Variants in MYO16 observed in about 807,000 individuals in gnomAD.
MYO16 encodes myosin XVI.
In MYO16, 94 loss-of-function variants were observed where a neutral mutation model predicts 205.3. The ratio of observed to expected loss-of-function variants is 0.46; its 90% CI spans 0.39 to 0.54. The LOEUF is 0.54. MYO16 is among the 20% of genes least tolerant of loss of function. The pLI, the probability that MYO16 is intolerant of heterozygous loss-of-function variation, is 0.00. For missense variants in MYO16, 2,315 were observed against 2,387.5 expected (o/e 0.97, Z 0.63); for synonymous variants, 988 against 954.0 (o/e 1.04, Z -0.66).
At position 109,140,763 on chromosome 13, in the gene MYO16, C is replaced by T; in HGVS notation, c.4551C>T (p.Phe1517=). ...LLPHRPPLLV[F]PPTPVTCSPA... ...CGCACCGGCCGCCCCTGCTGGTGTT[C>T]CCCCCGACCCCCGTCACCTGCTCCC... The change falls in exon 32 of 35, where the codon TTC becomes TTT. Residue 1517 remains phenylalanine, a synonymous_variant. Transcript: ENST00000457511. The surrounding 1 kb of genome is among the most constrained non-coding windows in gnomAD (Gnocchi z 8.0). 6.5e-7 allele frequency: 1 copy of T among 1,542,660 alleles called. No individual in the cohort carries two copies. Among genetic ancestry groups the T allele is most frequent in the Non-Finnish European group, 8.7e-7 (1 of 1,145,842 alleles).
intron 6 of MYO16, among the ~76,000 whole-genome samples, chr13:108,800,348 A>G (rs1886934187): frequency 6.6e-6 from 1 of 151,976 alleles, no homozygotes. Flanking sequence ...ACTCTCATCC[A>G]CCTTGATACC....
chr13:108,952,158 TAAAAC>T (rs1883181122), intron 16 of MYO16, among the ~76,000 whole-genome samples: 2 of 134,826 alleles, frequency 1.5e-5, no homozygotes, highest in Admixed American at 1.5e-4. Context: ...AATAAATAAA[TAAAAC>T]GATATATAGT....
chr13:109,070,716 G>A (rs9301342), intron 27 of MYO16, among the ~76,000 whole-genome samples: 75,991 of 152,002 alleles, frequency 0.5, 19,021 homozygotes, highest in Middle Eastern at 0.55. Context: ...TAGTACTTCT[G>A]TTTTATCTTT....
At chr13:108,546,281 C>A in the MYO16 span, among the ~76,000 whole-genome samples, 2 of 152,132 alleles carry the variant, frequency 1.3e-5, no homozygotes, top group Non-Finnish European at 2.9e-5. Flanking sequence ...CGCATCATTT[C>A]CAGAAGGCTG....
chr13:109,152,463 G>T (rs1466826886), intron 32 of MYO16, among the ~76,000 whole-genome samples: 5 of 152,156 alleles, frequency 3.3e-5, no homozygotes, highest in Non-Finnish European at 2.9e-5. Flanking sequence ...TTAGTAGGGG[G>T]TCGCCACCAT....
chr13:109,062,163 A>G (rs561162380), intron 27 of MYO16, among the ~76,000 whole-genome samples: 155 of 152,266 alleles, frequency 1.0e-3, no homozygotes, highest in African/African-American at 3.7e-3. Context: ...TTTTATATAC[A>G]CTCTGTTAGG....
In MYO16 at chr13:108,961,577, G is replaced by A. The variant is rs1883582419; in HGVS notation, c.2076G>A (p.Leu692=). The change falls in exon 18 of 35, where the codon TTG becomes TTA. Residue 692 remains leucine, a synonymous_variant. Coordinates refer to ENST00000457511, the MANE Select transcript of MYO16 (RefSeq NM_001198950.3). ...ENLFVILAAI[L]HLGDIRFTAL... is the part of the protein sequence containing the mutation. Reference sequence around the variant, plus strand: ...TGTTCGTAATTCTAGCAGCAATATTGCACCTTGGAGACATTCGGTTTACTG... The same window carrying A: ...TGTTCGTAATTCTAGCAGCAATATTACACCTTGGAGACATTCGGTTTACTG... 1 of 1,614,066 alleles carries A rather than the reference G, an allele frequency of 6.2e-7. No homozygotes were observed. Among genetic ancestry groups the A allele is most frequent in the Non-Finnish European group, 8.5e-7 (1 of 1,179,964 alleles).
intron 9 of MYO16, 73 bp downstream of exon 9, chr13:108,823,351 C>A: frequency 7.1e-7 from 1 of 1,400,788 alleles, no homozygotes; most frequent in Non-Finnish European, 9.7e-7. Context: ...CATATTAAGT[C>A]TGACTCTCAG....
chr13:108,838,126 C>A (rs1428102689), intron 9 of MYO16, among the ~76,000 whole-genome samples: 1 of 152,144 alleles, frequency 6.6e-6, no homozygotes, highest in African/African-American at 2.4e-5. Context: ...AGATTCAAAC[C>A]TCAGCTCCAG....
the MYO16 span, among the ~76,000 whole-genome samples, chr13:108,501,166 C>T: frequency 6.6e-6 from 1 of 152,128 alleles, no homozygotes; most frequent in African/African-American, 2.4e-5. Context: ...TATTGAAACG[C>T]CGGACTTTCC....
chr13:108,867,821 C>T (rs906688758), intron 12 of MYO16, among the ~76,000 whole-genome samples: 17 of 152,160 alleles, frequency 1.1e-4, no homozygotes, highest in African/African-American at 1.7e-4. Flanking sequence ...CTGTGTCAAA[C>T]GTGACATACC....
chr13:108,561,824 C>T, the MYO16 span, among the ~76,000 whole-genome samples: 1 of 152,112 alleles, frequency 6.6e-6, no homozygotes, highest in Non-Finnish European at 1.5e-5. Context: ...CAAATAAATT[C>T]TCTTGCTACA....
chr13:109,184,799 C>T (rs191545865), intron 34 of MYO16, among the ~76,000 whole-genome samples: 41 of 151,962 alleles, frequency 2.7e-4, no homozygotes, highest in Non-Finnish European at 5.7e-4. Flanking sequence ...GATGGAGCCT[C>T]ACTCTGTTGC....
At chr13:108,622,250 G>T (rs1386639919) in intron 1 of MYO16, among the ~76,000 whole-genome samples, 4 of 152,114 alleles carry the variant, frequency 2.6e-5, no homozygotes, top group African/African-American at 9.7e-5. Flanking sequence ...AACATCAGGG[G>T]TGTGTGAAAT....
chr13:108,599,432 G>T (rs956280829), intron 1 of MYO16, among the ~76,000 whole-genome samples: 14 of 151,922 alleles, frequency 9.2e-5, no homozygotes, highest in African/African-American at 3.1e-4. Flanking sequence ...CTTCCACAAT[G>T]GTTGAACTAG....
At chr13:108,569,449 C>T in the MYO16 span, among the ~76,000 whole-genome samples, 1 of 151,822 alleles carries the variant, frequency 6.6e-6, no homozygotes, top group South Asian at 2.1e-4. Context: ...TTTAATTTTA[C>T]TTTTTATTGT....
Position 109,019,911 on chromosome 13 carries a change from G to A in MYO16, c.2796G>A (p.Arg932=), listed in dbSNP as rs1352267750. 7 of 1,613,930 alleles carry A rather than the reference G, an allele frequency of 4.3e-6. No homozygotes were observed. The highest frequency in any genetic ancestry group is 5.1e-6 in the Non-Finnish European group (6 of 1,179,922). ...TCACCATCATGCACTACGCAGGAAG[G>A]GTAAGTGGCCAGAACTGCATAATTT... ...TAFTIMHYAG[R]VMYDVVGAIE... Residue 932 remains arginine (R), a splice_region_variant and synonymous_variant, in exon 23 of 35, where the codon AGG becomes AGA. Coordinates refer to ENST00000457511, the MANE Select transcript of MYO16 (RefSeq NM_001198950.3).
chr13:108,959,008 C>G (rs572770909), intron 17 of MYO16, among the ~76,000 whole-genome samples: 1 of 152,274 alleles, frequency 6.6e-6, no homozygotes, highest in East Asian at 1.9e-4. Flanking sequence ...TATTTCCCTG[C>G]CCACACCGTT....
At chr13:109,067,445 A>T (rs1366328185) in intron 27 of MYO16, among the ~76,000 whole-genome samples, 1 of 152,118 alleles carries the variant, frequency 6.6e-6, no homozygotes, top group Non-Finnish European at 1.5e-5. Flanking sequence ...CTCACATCTC[A>T]TCCCTAAGGG....
Sources: gnomAD v4.1 joint callset for allele counts (sites outside exome capture counted in the v4.1 genomes callset) on GRCh38, gnomAD v4.1.1 for gene constraint, Gnocchi (gnomAD v3.1) non-coding constraint, MANE v1.5 for transcripts, NCBI Gene and HGNC (gene_info 2026-07-23, HGNC 2026-07-21) for gene names.